G2E3: variants seen among roughly 807,000 people sequenced by gnomAD.
G2E3 encodes G2/M phase-specific E3 ubiquitin-protein ligase.
In G2E3, 35 loss-of-function variants were observed where a neutral mutation model predicts 92.8. That is an observed-to-expected ratio of 0.38 (90% confidence interval 0.29 to 0.50). The LOEUF (loss-of-function observed/expected upper bound fraction) is 0.50, where lower values mean the gene tolerates loss of function less well. G2E3 is among the 20% of genes least tolerant of loss of function. The pLI, the probability that G2E3 is intolerant of heterozygous loss-of-function variation, is 0.94. For missense variants in G2E3, 554 were observed against 823.8 expected, an observed-to-expected ratio of 0.67 and a Z score of 4.01; for synonymous variants, 242 against 272.4, an observed-to-expected ratio of 0.89 and a Z score of 1.10.
intron 8 of G2E3, among the ~76,000 whole-genome samples, chr14:30,599,353 G>A (rs868242549): frequency 1.3e-5 from 2 of 152,028 alleles, no homozygotes; most frequent in South Asian, 2.1e-4. Flanking sequence ...TCAGCCTCCC[G>A]AGTAGTTGGG....
Position 30,559,229 on chromosome 14 carries a change from A to G in G2E3, c.-48A>G, listed in dbSNP as rs914095232. 6.6e-6 allele frequency: 1 copy of G among 152,570 alleles called. No homozygotes were observed. Among genetic ancestry groups the G allele is most frequent in the Non-Finnish European group, 1.5e-5 (1 of 68,326 alleles). 9.5% of individuals were successfully genotyped at this position (152,570 alleles called of 1,614,324 possible). ...GTGCCCCGACGTACAGCGGGCCGGG[A>G]AAAGTGGCACTGAGGCTCTGGAACT... On this transcript the variant is annotated 5_prime_UTR_variant, in exon 1 of 15. Coordinates refer to ENST00000206595, the MANE Select transcript of G2E3 (RefSeq NM_017769.5).
chr14:30,608,363 C>G (rs1272818763), intron 12 of G2E3, among the ~76,000 whole-genome samples: 3 of 152,178 alleles, frequency 2.0e-5, no homozygotes, highest in Admixed American at 6.5e-5. Flanking sequence ...ATTTGCCTGC[C>G]TTGCTAGAGA....
intron 13 of G2E3, among the ~76,000 whole-genome samples, chr14:30,612,840 G>A (rs1239847768): frequency 6.6e-6 from 1 of 152,140 alleles, no homozygotes; most frequent in Non-Finnish European, 1.5e-5. Context: ...CTGGGTGACA[G>A]AGCAAGATTC....
intron 8 of G2E3, among the ~76,000 whole-genome samples, chr14:30,599,060 G>A (rs1881431432): frequency 6.6e-6 from 1 of 152,104 alleles, no homozygotes; most frequent in African/African-American, 2.4e-5. Context: ...TTTTTCTGAG[G>A]CCTCCCTCCT....
intron 1 of G2E3, among the ~76,000 whole-genome samples, chr14:30,576,164 AACAGGC>A (rs1880076321): frequency 6.6e-6 from 1 of 152,220 alleles, no homozygotes. Context: ...CTGGTACAAA[AACAGGC>A]ACATAGACCA....
intron 1 of G2E3, among the ~76,000 whole-genome samples, chr14:30,562,975 C>T (rs1879202460): frequency 6.6e-6 from 1 of 152,128 alleles, no homozygotes; most frequent in African/African-American, 2.4e-5. Context: ...CAATAAATAT[C>T]AGCACAGCCT....
intron 1 of G2E3, among the ~76,000 whole-genome samples, chr14:30,579,618 T>C (rs753174058): frequency 4.3e-4 from 66 of 152,222 alleles, no homozygotes; most frequent in Admixed American, 7.2e-4. Context: ...TTTGTATTTG[T>C]GGTTTTCACT....
chr14:30,571,973 T>C (rs1477784489), intron 1 of G2E3, among the ~76,000 whole-genome samples: 1 of 151,962 alleles, frequency 6.6e-6, no homozygotes, highest in Non-Finnish European at 1.5e-5. Context: ...CTGGGGATTT[T>C]GGTTGGGATT....
At chr14:30,584,826 CTTTT>C (rs11322769) in intron 2 of G2E3, among the ~76,000 whole-genome samples, 1 of 75,400 alleles carries the variant, frequency 1.3e-5, no homozygotes. Flanking sequence ...TGATAGTGTC[CTTTT>C]TTTTTTTTTT....
At position 30,603,568 on chromosome 14, in the gene G2E3, A is replaced by G. The variant is rs1007961306; in HGVS notation, c.1010+1437A>G. On this transcript the variant is annotated intron_variant, in intron 10 of 14. Transcript: ENST00000206595. ...TGTTAAAAATAATTTCAGGCTGGGC[A>G]TGGTGACTCATACCTGTAATCCCAA... Among the ~76,000 whole-genome samples the G allele has an allele frequency of 1.1e-4, 17 of 152,214 alleles. 1 individual carries two copies. Among genetic ancestry groups the G allele is most frequent in the Admixed American group, 9.8e-4 (15 of 15,280 alleles).
At chr14:30,570,939 T>C (rs1264954518) in intron 1 of G2E3, among the ~76,000 whole-genome samples, 1 of 152,174 alleles carries the variant, frequency 6.6e-6, no homozygotes, top group Non-Finnish European at 1.5e-5. Context: ...TCTTATTCTC[T>C]TAACAGTGTC....
At chr14:30,605,188 G>A (rs1311923825) in intron 10 of G2E3, among the ~76,000 whole-genome samples, 3 of 152,178 alleles carry the variant, frequency 2.0e-5, no homozygotes, top group Admixed American at 6.5e-5. Flanking sequence ...GAGCCACCGC[G>A]CCTGGCCTGA....
At chr14:30,575,417 A>G (rs937920502) in intron 1 of G2E3, among the ~76,000 whole-genome samples, 12 of 152,186 alleles carry the variant, frequency 7.9e-5, no homozygotes, top group Non-Finnish European at 1.2e-4. Context: ...CACAGCCAAC[A>G]TTATACTGAA....
chr14:30,587,044 T>C (rs1880749430), intron 3 of G2E3, among the ~76,000 whole-genome samples: 3 of 152,186 alleles, frequency 2.0e-5, no homozygotes, highest in Admixed American at 2.0e-4. Context: ...TTTGTTTGTT[T>C]TTCTTTCTTT....
At chr14:30,560,926 C>G in intron 1 of G2E3, 1 of 631,054 alleles carries the variant, frequency 1.6e-6, no homozygotes, top group Non-Finnish European at 2.8e-6. Flanking sequence ...AGACATGGAA[C>G]TGGGGCCAGA....
chr14:30,604,264 A>G (rs1047743075), intron 10 of G2E3, among the ~76,000 whole-genome samples: 9 of 152,348 alleles, frequency 5.9e-5, no homozygotes, highest in African/African-American at 1.9e-4. Flanking sequence ...TTTATTCAAC[A>G]TGAGTTAATG....
intron 2 of G2E3, among the ~76,000 whole-genome samples, chr14:30,585,504 T>C (rs1169807012): frequency 6.6e-6 from 1 of 152,166 alleles, no homozygotes; most frequent in African/African-American, 2.4e-5. Context: ...TCTTTTTCAT[T>C]GATCTATATG....
intron 10 of G2E3, 95 bp downstream of exon 10, chr14:30,602,226 C>T (rs1226296352): frequency 1.1e-6 from 1 of 928,462 alleles, no homozygotes; most frequent in African/African-American, 1.7e-5. Context: ...GGTGATCATA[C>T]AGTAGTCTAG....
intron 7 of G2E3, 69 bp downstream of exon 7, chr14:30,597,595 G>A (rs1260638325): frequency 2.3e-6 from 2 of 860,696 alleles, no homozygotes; most frequent in Non-Finnish European, 4.0e-6. Flanking sequence ...CAATGGAAAT[G>A]ATCACTTATG....
Sources: allele counts gnomAD v4.1 joint callset (sites outside exome capture counted in the v4.1 genomes callset), GRCh38; gene constraint gnomAD v4.1.1; transcripts MANE v1.5; gene names NCBI Gene and HGNC (gene_info 2026-07-23, HGNC 2026-07-21).